The following EPHB1 variants were observed in gnomAD, a reference collection of about 807,000 sequenced individuals.
EPHB1 encodes the protein EPH receptor B1, also known as ephrin type-B receptor 1.
Under a neutral mutation model 94.4 loss-of-function variants are expected in EPHB1, and 30 were observed. The ratio of observed to expected loss-of-function variants is 0.32; its 90% confidence interval spans 0.24 to 0.43. EPHB1 has a LOEUF of 0.43. Among genes scored for constraint, EPHB1 ranks in the 20% least tolerant of loss-of-function variants. EPHB1 has a pLI of 1.00. For missense variants in EPHB1, 1,055 were observed against 1,308.3 expected (o/e 0.81, Z 2.99); for synonymous variants, 522 against 489.1 (o/e 1.07, Z -0.89).
At chr3:134,958,465 G>A (rs1933372360) in intron 3 of EPHB1, among the ~76,000 whole-genome samples, 1 of 149,264 alleles carries the variant, frequency 6.7e-6, no homozygotes, top group Non-Finnish European at 1.5e-5. Flanking sequence ...CTCAGTGCTG[G>A]AAGCCACATT....
rs144473750 is a variant in EPHB1, at chr3:135,078,290, G to A, written c.806-28158G>A. On this transcript the variant is annotated intron_variant, in intron 3 of 15. Transcript: ENST00000398015. ...TGATATCTCCTCCCTCAGAAGAGAG[G>A]GATGGGTCTTCCCAAGGAGGTGTTC... Among the ~76,000 whole-genome samples, 1,157 of 152,282 alleles carry A rather than the reference G, an allele frequency of 7.6e-3. 15 individuals carry two copies. Among genetic ancestry groups the A allele is most frequent in the African/African-American group, 0.025 (1,029 of 41,556 alleles).
chr3:134,867,972 A>T (rs996117420), intron 1 of EPHB1, among the ~76,000 whole-genome samples: 6 of 152,204 alleles, frequency 3.9e-5, no homozygotes, highest in African/African-American at 1.4e-4. Context: ...GACAGTAAGT[A>T]AAGACCTCTA....
Position 135,165,939 on chromosome 3 carries a change from G to A in EPHB1, c.1586-29G>A, listed in dbSNP as rs988766264. On this transcript the variant is annotated intron_variant, in intron 7 of 15. Coordinates refer to ENST00000398015, the MANE Select transcript of EPHB1 (RefSeq NM_004441.5). ...CAGCTGTATGCAAAAGGCACATGGG[G>A]AGGATTCTAATGCCTCTTTCTCACC... is the stretch of plus-strand genomic sequence containing the variant. The A allele has an allele frequency of 4.5e-6, 7 of 1,559,658 alleles. No individual in the cohort carries two copies. The African/African-American group carries it at 8.1e-5, about 18-fold the overall frequency.
rs764659265 is a variant in EPHB1 at position 135,241,174 on chromosome 3, A to G, written c.2373A>G (p.Thr791=). The G allele has an allele frequency of 6.2e-7, 1 of 1,614,092 alleles. No homozygotes were observed. Among genetic ancestry groups the G allele is most frequent in the Non-Finnish European group, 8.5e-7 (1 of 1,180,050 alleles). ...SLGGKIPVRW[T]APEAIAYRKF... is the part of the protein sequence containing the mutation. ...GAGGGAAGATCCCTGTGAGATGGAC[A>G]GCTCCAGAGGCCATCGCCTACCGCA... The change falls in exon 13 of 16, where the codon ACA becomes ACG. Residue 791 remains threonine, a synonymous_variant. Coordinates refer to ENST00000398015, the MANE Select transcript of EPHB1 (RefSeq NM_004441.5).
intron 3 of EPHB1, among the ~76,000 whole-genome samples, chr3:135,012,053 C>T (rs1203599414): frequency 6.6e-6 from 1 of 152,106 alleles, no homozygotes; most frequent in Non-Finnish European, 1.5e-5. Flanking sequence ...TCAGAGTCTT[C>T]TATATACGTA....
At chr3:134,956,114 A>G (rs1364917145) in intron 3 of EPHB1, among the ~76,000 whole-genome samples, 1 of 152,040 alleles carries the variant, frequency 6.6e-6, no homozygotes, top group Non-Finnish European at 1.5e-5. Context: ...GGCTGTTAGA[A>G]GGAACCTGGC....
chr3:134,814,249 G>A (rs1384655347), intron 1 of EPHB1, among the ~76,000 whole-genome samples: 1 of 152,208 alleles, frequency 6.6e-6, no homozygotes, highest in Non-Finnish European at 1.5e-5. Flanking sequence ...AGATGGTTCA[G>A]GCAAGGAATC....
chr3:134,830,873 C>A (rs1392674284), intron 1 of EPHB1, among the ~76,000 whole-genome samples: 3 of 152,182 alleles, frequency 2.0e-5, no homozygotes, highest in Admixed American at 2.0e-4. Flanking sequence ...AAGGGTGCTA[C>A]AGACTGAGTC....
chr3:134,934,665 GGATAT>G (rs3836287), intron 2 of EPHB1, among the ~76,000 whole-genome samples: 11,163 of 151,722 alleles, frequency 0.074, 667 homozygotes, highest in Admixed American at 0.21. Context: ...GAAATATATT[GGATAT>G]GACTTTGTGT....
intron 3 of EPHB1, among the ~76,000 whole-genome samples, chr3:135,047,297 G>C (rs1937025060): frequency 6.6e-6 from 1 of 152,206 alleles, no homozygotes; most frequent in Non-Finnish European, 1.5e-5. Flanking sequence ...TGGGGAAACA[G>C]AAGGTGAGAA....
chr3:135,113,620 T>C (rs947196883), intron 4 of EPHB1, among the ~76,000 whole-genome samples: 13 of 152,158 alleles, frequency 8.5e-5, no homozygotes, highest in African/African-American at 3.1e-4. Context: ...CCAACAGCAG[T>C]AACCCATCGC....
chr3:135,010,273 C>T (rs1013737387), intron 3 of EPHB1, among the ~76,000 whole-genome samples: 3 of 152,020 alleles, frequency 2.0e-5, no homozygotes, highest in Non-Finnish European at 4.4e-5. Context: ...CCTTGATTTC[C>T]TACTTCCTCT....
intron 3 of EPHB1, among the ~76,000 whole-genome samples, chr3:135,095,818 C>G (rs1938738234): frequency 6.6e-6 from 1 of 152,200 alleles, no homozygotes; most frequent in African/African-American, 2.4e-5. Context: ...TCTACCTTCT[C>G]TCACTAACTT....
At chr3:135,159,419 T>TCAGC (rs1941449257) in intron 6 of EPHB1, among the ~76,000 whole-genome samples, 1 of 152,248 alleles carries the variant, frequency 6.6e-6, no homozygotes, top group Admixed American at 6.5e-5. Flanking sequence ...TTCATATTTA[T>TCAGC]CAGCCAGTGC....
chr3:134,985,514 T>C (rs1035772787), intron 3 of EPHB1, among the ~76,000 whole-genome samples: 3 of 152,272 alleles, frequency 2.0e-5, no homozygotes, highest in African/African-American at 2.4e-5. Context: ...CTTGGAATCA[T>C]TGTGAACTGG....
chr3:134,861,486 T>C (rs1578146413), intron 1 of EPHB1, among the ~76,000 whole-genome samples: 2 of 151,978 alleles, frequency 1.3e-5, no homozygotes, highest in Admixed American at 6.5e-5. Flanking sequence ...CAACCAGACA[T>C]AGAGAATTTG....
intron 3 of EPHB1, among the ~76,000 whole-genome samples, chr3:134,975,216 G>C (rs765857973): frequency 2.6e-5 from 4 of 152,002 alleles, no homozygotes; most frequent in Non-Finnish European, 5.9e-5. Context: ...AACTTTTATG[G>C]GGACTCAGAG....
chr3:135,030,993 C>A (rs1001082333), intron 3 of EPHB1, among the ~76,000 whole-genome samples: 3 of 152,180 alleles, frequency 2.0e-5, no homozygotes, highest in Non-Finnish European at 1.5e-5. Flanking sequence ...TCTCCAGGTG[C>A]CGTCCATCAC....
chr3:135,159,866 A>G (rs1340259205), intron 6 of EPHB1, among the ~76,000 whole-genome samples: 2 of 152,180 alleles, frequency 1.3e-5, no homozygotes, highest in African/African-American at 4.8e-5. Flanking sequence ...AGATATGCCA[A>G]TTACTTGCAG....
Sources: gnomAD v4.1 joint callset for allele counts (sites outside exome capture counted in the v4.1 genomes callset) on GRCh38, gnomAD v4.1.1 for gene constraint, MANE v1.5 for transcripts, NCBI Gene and HGNC (gene_info 2026-07-23, HGNC 2026-07-21) for gene names.